Variants in DNASE1L1 observed in about 807,000 individuals in gnomAD.
DNASE1L1 encodes deoxyribonuclease 1 like 1.
A neutral mutation model predicts 18.6 loss-of-function variants in DNASE1L1; 8 were observed. The observed-to-expected ratio is 0.43, with a 90% CI of 0.25 to 0.78. The LOEUF is 0.78. Among genes scored for constraint, DNASE1L1 ranks in the 30% least tolerant of loss-of-function variants. The pLI, the probability that DNASE1L1 is intolerant of heterozygous loss-of-function variation, is 0.23. For synonymous variants in DNASE1L1, 114 were observed against 114.2 expected, an observed-to-expected ratio of 1.00 and a Z score of 0.01; for missense variants, 214 against 258.2, an observed-to-expected ratio of 0.83 and a Z score of 1.17.
chrX:154,408,074 A>C (rs2148168076), intron 1 of DNASE1L1, among the ~76,000 whole-genome samples: 1 of 109,843 alleles, frequency 9.1e-6, no homozygotes, highest in South Asian at 3.9e-4. Context: ...CTAGGATTAC[A>C]GGCACGTGCC....
chrX:154,402,583 CAG>C lies in DNASE1L1; in HGVS notation c.*122_*123del, dbSNP rs1313135151. On this transcript the variant is annotated 3_prime_UTR_variant, in exon 8 of 8. Transcript: ENST00000369807. ...CAAGAGCCAAATCAAACAAGGCAGGCAGGGGTGGACTACAGTCACAGGGCAAC... is the reference window on the plus strand; with the variant it reads ...CAAGAGCCAAATCAAACAAGGCAGGCGGGTGGACTACAGTCACAGGGCAAC... 6.5e-5 allele frequency: 45 copies of C among 688,093 alleles called. 1 individual carries two copies. Among genetic ancestry groups the C allele is most frequent in the Non-Finnish European group, 8.6e-5 (41 of 475,862 alleles). 56.7% of individuals were successfully genotyped at this position (688,093 alleles called of 1,213,427 possible).
chrX:154,407,587 C>CTTTT (rs782217648), intron 1 of DNASE1L1, among the ~76,000 whole-genome samples: 5 of 74,762 alleles, frequency 6.7e-5, no homozygotes, highest in East Asian at 3.9e-4. Context: ...CCTAGTCTAC[C>CTTTT]TTTTTTTTTT....
rs1415170671 is a variant in DNASE1L1 at position 154,408,091 on chromosome X, CCCGG to C, written c.-88+1017_-88+1020del. Among the ~76,000 whole-genome samples the C allele has an allele frequency of 3.6e-5, 4 of 109,935 alleles. No homozygotes were observed. In the Admixed American group the frequency reaches 3.9e-4, roughly 11 times the overall value. On this transcript the variant is annotated intron_variant, in intron 1 of 7. Transcript: ENST00000369807. The stretch of plus-strand genomic sequence containing the variant: ...AGGATTACAGGCACGTGCCACCACA[CCCGG>C]CTAATTTTTGTACTTTTAGTAGAGA...
Position 154,405,460 on chromosome X carries a change from C to T in DNASE1L1, c.109G>A (p.Glu37Lys). ...QRLTLAKVAR[E>K]QVMDTLVRIL... The stretch of plus-strand genomic sequence containing the variant: ...CGAACTAAGGTGTCCATCACCTGCT[C>T]CCTGGCCACCTTGGCCAGTGTCAGC... The change falls in exon 2 of 8, where the codon GAG becomes AAG. Residue 37 changes from glutamate to lysine, a missense_variant. By Grantham distance (56) the Glu-to-Lys change is moderately conservative. Coordinates refer to ENST00000369807, the MANE Select transcript of DNASE1L1 (RefSeq NM_001303620.2). The T allele has an allele frequency of 8.3e-7, 1 of 1,198,875 alleles. No homozygotes were observed. Among genetic ancestry groups the T allele is most frequent in the Non-Finnish European group, 1.1e-6 (1 of 885,812 alleles).
upstream of DNASE1L1, chrX:154,411,831 G>C (rs781865190): frequency 2.6e-6 from 3 of 1,173,127 alleles, no homozygotes; most frequent in African/African-American, 5.3e-5. Context: ...CGCCGGCCGC[G>C]GGCCGGGTGG....
At chrX:154,404,784 A>G (rs782198221) in intron 4 of DNASE1L1, 44 bp downstream of exon 4, 1 of 1,166,638 alleles carries the variant, frequency 8.6e-7, no homozygotes, top group South Asian at 1.9e-5. Context: ...CATTAGGGCC[A>G]AGGACCGCCC....
At position 154,401,975 on chromosome X, in the gene DNASE1L1, C is replaced by T. The variant is rs1350595046; in HGVS notation, c.*732G>A. 1.8e-5 allele frequency: 2 copies of T among 111,681 alleles called. No homozygotes were observed. The highest frequency in any genetic ancestry group is 3.8e-5 in the Non-Finnish European group (2 of 53,207). 9.2% of individuals were successfully genotyped at this position (111,681 alleles called of 1,213,427 possible). ...CATGCTGCTGGCATTTTGCTGTGTC[C>T]TGCAGCCCCTTTCCGGGACACCTGG... On this transcript the variant is annotated 3_prime_UTR_variant, in exon 8 of 8. Transcript: ENST00000369807.
intron 2 of DNASE1L1, 52 bp downstream of exon 2, chrX:154,405,382 G>A: frequency 8.7e-7 from 1 of 1,151,122 alleles, no homozygotes; most frequent in Non-Finnish European, 1.2e-6. Context: ...AGGGATGGGG[G>A]CTTTGGCTCA....
At chrX:154,403,772 G>A (rs2068094521) in intron 4 of DNASE1L1, 150 bp from the exon 5 acceptor site, 6 of 466,782 alleles carry the variant, frequency 1.3e-5, no homozygotes, top group Non-Finnish European at 1.9e-5. Flanking sequence ...CAAAAATCAG[G>A]CATAATTCAT....
intron 1 of DNASE1L1, among the ~76,000 whole-genome samples, chrX:154,407,890 C>T (rs1159836510): frequency 9.6e-6 from 1 of 104,485 alleles, no homozygotes; most frequent in Non-Finnish European, 2.0e-5. Context: ...CTCAGCCTTC[C>T]GAGTAGATGG....
rs781988297 is a variant in DNASE1L1, at chrX:154,402,641, G to C, written c.*66C>G. ...TTGAAGCCCCCCAGCCCCAGGGCTGGATGGACGGGGGAGGCTGGGGTTTAA... is the reference window on the plus strand; with the variant it reads ...TTGAAGCCCCCCAGCCCCAGGGCTGCATGGACGGGGGAGGCTGGGGTTTAA... On this transcript the variant is annotated 3_prime_UTR_variant, in exon 8 of 8. Coordinates refer to ENST00000369807, the MANE Select transcript of DNASE1L1 (RefSeq NM_001303620.2). 1 of 1,092,906 alleles carries C rather than the reference G, an allele frequency of 9.1e-7. No individual in the cohort carries two copies. The highest frequency in any genetic ancestry group is 1.2e-6 in the Non-Finnish European group (1 of 815,007). 90.1% of individuals were successfully genotyped at this position (1,092,906 alleles called of 1,213,427 possible). A position where few individuals can be genotyped will look rare whatever the true frequency, so the allele number is the denominator to read the frequency against.
In DNASE1L1 at chrX:154,402,710, G is replaced by A; in HGVS notation, c.906C>T (p.Ala302=). The A allele has an allele frequency of 8.3e-7, 1 of 1,207,964 alleles. No individual in the cohort carries two copies. The highest frequency in any genetic ancestry group is 1.1e-6 in the Non-Finnish European group (1 of 893,208). The change falls in exon 8 of 8, where the codon GCC becomes GCT. Residue 302 remains alanine, a synonymous_variant. Coordinates refer to ENST00000369807, the MANE Select transcript of DNASE1L1 (RefSeq NM_001303620.2). ...CCCTGGGGGGGTAGGGGGACGCTCA[G>A]GCAGCAGGGCACAGCTGAGGGGACA... The part of the protein sequence containing the change: ...SLLSPQLCPA[A]
rs782427004 is a variant in DNASE1L1, at chrX:154,403,604, G to A, written c.330C>T (p.Val110=). 2.5e-6 allele frequency: 3 copies of A among 1,210,169 alleles called. No homozygotes were observed. Among genetic ancestry groups the A allele is most frequent in the African/African-American group, 1.7e-5 (1 of 57,340 alleles). ...VYFYRSHKTQ[V]LSSYVYNDED... is the part of the protein sequence containing the mutation. ...CATCGTTGTACACGTAGGAACTCAG[G>A]ACCTGTGTTTTGTGTGACCTGGGAG... The change falls in exon 5 of 8, where the codon GTC becomes GTT. Residue 110 remains valine, a synonymous_variant. Transcript: ENST00000369807.
At chrX:154,404,342 C>G (rs2068108780) in intron 4 of DNASE1L1, among the ~76,000 whole-genome samples, 1 of 110,122 alleles carries the variant, frequency 9.1e-6, no homozygotes, top group Non-Finnish European at 1.9e-5. Context: ...GGAGCGCATA[C>G]CAGATGTCAT....
upstream of DNASE1L1, among the ~76,000 whole-genome samples, chrX:154,410,580 TA>T (rs1351744710): frequency 9.2e-6 from 1 of 108,365 alleles, no homozygotes; most frequent in Non-Finnish European, 1.9e-5. Flanking sequence ...AAAATAAAAA[TA>T]AAAAACTGCC....
intron 4 of DNASE1L1, 48 bp from the exon 5 acceptor site, chrX:154,403,670 T>C (rs1569552413): frequency 8.8e-7 from 1 of 1,136,366 alleles, no homozygotes; most frequent in Non-Finnish European, 1.2e-6. Flanking sequence ...TCTTTGATTT[T>C]GGCTTGCAAG....
At chrX:154,408,323 C>T (rs1271364697) in intron 1 of DNASE1L1, among the ~76,000 whole-genome samples, 1 of 112,391 alleles carries the variant, frequency 8.9e-6, no homozygotes, top group Non-Finnish European at 1.9e-5. Context: ...TTAGCAACTA[C>T]AGGAACATCT....
intron 4 of DNASE1L1, among the ~76,000 whole-genome samples, chrX:154,403,861 A>G (rs782368569): frequency 8.9e-6 from 1 of 112,174 alleles, no homozygotes; most frequent in Admixed American, 9.4e-5. Flanking sequence ...TATTTCTACA[A>G]TCAATTTTAA....
chrX:154,411,850 C>T, upstream of DNASE1L1: 1 of 1,196,184 alleles, frequency 8.4e-7, no homozygotes. Flanking sequence ...GGGGATGCCT[C>T]TGCACGTGAA....
Sources: gnomAD v4.1 joint callset for allele counts (sites outside exome capture counted in the v4.1 genomes callset) on GRCh38, gnomAD v4.1.1 for gene constraint, MANE v1.5 for transcripts, NCBI Gene and HGNC (gene_info 2026-07-23, HGNC 2026-07-21) for gene names.